MYLK: variants seen among roughly 807,000 people sequenced by gnomAD.
The protein encoded by MYLK is myosin light chain kinase, smooth muscle.
Under a neutral mutation model 203.4 loss-of-function variants are expected in MYLK, and 106 were observed. The ratio of observed to expected loss-of-function variants is 0.52; its 90% confidence interval spans 0.45 to 0.61. The LOEUF (loss-of-function observed/expected upper bound fraction) is 0.61, where lower values mean the gene tolerates loss of function less well. MYLK is among the 20% of genes least tolerant of loss of function. The pLI is 0.00. For synonymous variants in MYLK, 867 were observed against 959.5 expected (o/e 0.90, Z 1.78); for missense variants, 2,072 against 2,442.3 (o/e 0.85, Z 3.20).
At chr3:123,801,350 CCTT>C (rs1413556844) in intron 3 of MYLK, among the ~76,000 whole-genome samples, 5 of 152,166 alleles carry the variant, frequency 3.3e-5, no homozygotes, top group South Asian at 4.1e-4. Flanking sequence ...TCATTTCTGT[CCTT>C]CTTAAAATAC....
chr3:123,820,735 T>A (rs550788356), intron 3 of MYLK, among the ~76,000 whole-genome samples: 32 of 151,718 alleles, frequency 2.1e-4, no homozygotes, highest in Middle Eastern at 3.4e-3. Context: ...CTTTTATTCT[T>A]TTCTTTCTGA....
At chr3:123,673,375 A>T (rs2059978576) in intron 20 of MYLK, among the ~76,000 whole-genome samples, 1 of 151,818 alleles carries the variant, frequency 6.6e-6, no homozygotes, top group African/African-American at 2.4e-5. Flanking sequence ...GGCCTCCCAA[A>T]GTGCTGGGAT....
At chr3:123,641,909 C>A (rs1005023872) in intron 27 of MYLK, among the ~76,000 whole-genome samples, 1 of 150,796 alleles carries the variant, frequency 6.6e-6, no homozygotes, top group East Asian at 2.0e-4. Flanking sequence ...GGCTTGAATG[C>A]AGTTCTGTGA....
At chr3:123,810,331 A>G (rs902581190) in intron 3 of MYLK, among the ~76,000 whole-genome samples, 4 of 151,960 alleles carry the variant, frequency 2.6e-5, no homozygotes, top group Non-Finnish European at 2.9e-5. Context: ...TCCCTTCCCA[A>G]TCAAGGTGGC....
chr3:123,702,266 A>G (rs1215891287), intron 16 of MYLK, among the ~76,000 whole-genome samples: 1 of 152,130 alleles, frequency 6.6e-6, no homozygotes, highest in Non-Finnish European at 1.5e-5. Context: ...ACCTGCTGGC[A>G]TTTCTGAGCT....
rs1193917770 is a variant in MYLK, at chr3:123,700,282, A to G, written c.3186T>C (p.Ala1062=). The G allele has an allele frequency of 1.2e-6, 2 of 1,613,848 alleles. No homozygotes were observed. The highest frequency in any genetic ancestry group is 1.7e-5 in the Admixed American group (1 of 60,002). Residue 1062 remains alanine (A), a synonymous_variant, in exon 18 of 34, where the codon GCT becomes GCC. Coordinates refer to ENST00000360304, the MANE Select transcript of MYLK (RefSeq NM_053025.4). ...NAKPDENLKS[A]SKEELKKDVK... Reference sequence around the variant, plus strand: ...CGTCTTTCTTGAGTTCTTCTTTGCTAGCGGATTTCAGGTTCTCATCAGGCT... The same window carrying G: ...CGTCTTTCTTGAGTTCTTCTTTGCTGGCGGATTTCAGGTTCTCATCAGGCT...
chr3:123,844,936 G>C (rs1374844583), intron 2 of MYLK, among the ~76,000 whole-genome samples: 3 of 149,838 alleles, frequency 2.0e-5, no homozygotes, highest in Non-Finnish European at 3.0e-5. Context: ...TGAACTCCTG[G>C]CCTCAAGCAA....
chr3:123,736,006 A>G (rs1480911051), intron 8 of MYLK, among the ~76,000 whole-genome samples: 1 of 152,162 alleles, frequency 6.6e-6, no homozygotes, highest in Non-Finnish European at 1.5e-5. Context: ...AATATCAGGC[A>G]ACATATTTTG....
In MYLK at chr3:123,816,745, C is replaced by T. The variant is rs950275729; in HGVS notation, c.-4+14803G>A. Among the ~76,000 whole-genome samples the T allele has an allele frequency of 3.3e-5, 5 of 152,364 alleles. No homozygotes were observed. In the South Asian group the frequency reaches 1.0e-3, roughly 32 times the overall value. On this transcript the variant is annotated intron_variant, in intron 3 of 33. Transcript: ENST00000360304. ...GTAATGATGGGCACGTGCCAGAACT[C>T]AACCACAAACAGCCAGGCTGAGTTG...
intron 2 of MYLK, among the ~76,000 whole-genome samples, chr3:123,854,610 G>C (rs965765309): frequency 2.0e-5 from 3 of 152,062 alleles, no homozygotes; most frequent in Admixed American, 2.0e-4. Context: ...CCAAAAGGAG[G>C]GGGAGGGGCA....
At chr3:123,691,679 C>G (rs1262438994) in intron 19 of MYLK, 1 of 152,250 alleles carries the variant, frequency 6.6e-6, no homozygotes, top group Non-Finnish European at 1.5e-5. Flanking sequence ...CTTCAGAACT[C>G]AACTGATCAC....
At chr3:123,641,769 C>G (rs1371762737) in intron 27 of MYLK, among the ~76,000 whole-genome samples, 6 of 145,496 alleles carry the variant, frequency 4.1e-5, no homozygotes, top group Non-Finnish European at 9.0e-5. Flanking sequence ...TTCCCTCCCT[C>G]CCTCTCTTCC....
chr3:123,664,933 T>C lies in MYLK; in HGVS notation c.3832-675A>G, dbSNP rs533044154. Among the ~76,000 whole-genome samples the C allele has an allele frequency of 5.3e-5, 8 of 152,250 alleles. No homozygotes were observed. In the East Asian group the frequency reaches 1.4e-3, roughly 26 times the overall value. Reference sequence around the variant, plus strand: ...TGTCCAGAATATGCAAATCCATAAATACTGAGAGTAGATGAGTGGTTGTCA... The same window carrying C: ...TGTCCAGAATATGCAAATCCATAAACACTGAGAGTAGATGAGTGGTTGTCA... On this transcript the variant is annotated intron_variant, in intron 22 of 33. Transcript: ENST00000360304.
rs768638357 is a variant in MYLK at position 123,692,728 on chromosome 3, G to A, written c.3565+7C>T. On this transcript the variant is annotated splice_region_variant and intron_variant, in intron 19 of 33. Coordinates refer to ENST00000360304, the MANE Select transcript of MYLK (RefSeq NM_053025.4). ...ATGGGTGGCGGCGATGGGTGGGCAC[G>A]ACCTACCATCCACGGTGACTTGGCA... 4 of 1,604,556 alleles carry A rather than the reference G, an allele frequency of 2.5e-6. No homozygotes were observed. The highest frequency in any genetic ancestry group is 2.2e-5 in the East Asian group (1 of 44,866).
At chr3:123,831,900 C>A (rs1183711507) in intron 2 of MYLK, among the ~76,000 whole-genome samples, 2 of 152,158 alleles carry the variant, frequency 1.3e-5, no homozygotes, top group Non-Finnish European at 2.9e-5. Context: ...TCTTCCCCCA[C>A]AGAGGACAGA....
chr3:123,619,982 A>C (rs2057754954), intron 32 of MYLK, among the ~76,000 whole-genome samples: 1 of 152,204 alleles, frequency 6.6e-6, no homozygotes. Flanking sequence ...CTATTAGACA[A>C]ATAACAACTT....
chr3:123,819,296 T>C (rs1209015608), intron 3 of MYLK, among the ~76,000 whole-genome samples: 1 of 152,192 alleles, frequency 6.6e-6, no homozygotes. Flanking sequence ...ACACTTACTG[T>C]TCATTACAGA....
chr3:123,834,595 C>T lies in MYLK; in HGVS notation c.-126-2925G>A, dbSNP rs551874319. 3.7e-4 allele frequency among the ~76,000 whole-genome samples: 56 copies of T among 151,514 alleles called. No individual in the cohort carries two copies. The South Asian group carries it at 7.4e-3, about 20-fold the overall frequency. ...GGGGGATTGAGGGAGCATTGGGATGCGCAGTGGGATTATTGACTGTCACAA... is the reference window on the plus strand; with the variant it reads ...GGGGGATTGAGGGAGCATTGGGATGTGCAGTGGGATTATTGACTGTCACAA... On this transcript the variant is annotated intron_variant, in intron 2 of 33. Coordinates refer to ENST00000360304, the MANE Select transcript of MYLK (RefSeq NM_053025.4).
chr3:123,645,428 T>G (rs1238533311), intron 27 of MYLK, among the ~76,000 whole-genome samples: 1 of 152,198 alleles, frequency 6.6e-6, no homozygotes, highest in Non-Finnish European at 1.5e-5. Flanking sequence ...TCCACTCATA[T>G]CTACAGCTTG....
Sources: allele counts gnomAD v4.1 joint callset (sites outside exome capture counted in the v4.1 genomes callset), GRCh38; gene constraint gnomAD v4.1.1; transcripts MANE v1.5; gene names NCBI Gene and HGNC (gene_info 2026-07-23, HGNC 2026-07-21).